The following KCNQ1 variants were observed in gnomAD, a reference collection of about 807,000 sequenced individuals.
KCNQ1 encodes potassium voltage-gated channel subfamily KQT member 1.
KCNQ1 carries 49 observed loss-of-function variants against 72.4 expected under a neutral mutation model. The ratio of observed to expected loss-of-function variants is 0.68; its 90% confidence interval spans 0.54 to 0.86. The LOEUF is 0.86. Among genes scored for constraint, KCNQ1 ranks in the 40% least tolerant of loss-of-function variants. KCNQ1 has a pLI of 0.00. For synonymous variants in KCNQ1, 450 were observed against 412.6 expected (o/e 1.09, Z -1.10); for missense variants, 790 against 945.1 (o/e 0.84, Z 2.15).
At chr11:2,571,105 AGC>A in intron 3 of KCNQ1, among the ~76,000 whole-genome samples, 1 of 152,170 alleles carries the variant, frequency 6.6e-6, no homozygotes, top group Admixed American at 6.5e-5. Context: ...CACAGGGCCC[AGC>A]CTAGGCCGGG....
In KCNQ1 at chr11:2,516,434, T is replaced by TG; in HGVS notation, c.387-11489dup. Reference sequence around the variant, plus strand: ...TTAAAGGGGATGTGGCGGCCAGCTCTGGGGGCACACGTTCCTGTTTGAATT... The same window carrying TG: ...TTAAAGGGGATGTGGCGGCCAGCTCTGGGGGGCACACGTTCCTGTTTGAATT... On this transcript the variant is annotated intron_variant, in intron 1 of 15. Transcript: ENST00000155840. This position sits in a 1 kb window ranked among gnomAD's most constrained non-coding sequence, Gnocchi z 7.0. 6.6e-6 allele frequency among the ~76,000 whole-genome samples: 1 copy of TG among 152,242 alleles called. No individual in the cohort carries two copies. Among genetic ancestry groups the TG allele is most frequent in the South Asian group, 2.1e-4 (1 of 4,830 alleles).
rs1330734368 is a variant in KCNQ1 at position 2,703,429 on chromosome 11, T to G, written c.1514+41348T>G. Among the ~76,000 whole-genome samples, 2 of 152,154 alleles carry G rather than the reference T, an allele frequency of 1.3e-5. No individual in the cohort carries two copies. The highest frequency in any genetic ancestry group is 2.9e-5 in the Non-Finnish European group (2 of 68,026). On this transcript the variant is annotated intron_variant, in intron 11 of 15. Coordinates refer to ENST00000155840, the MANE Select transcript of KCNQ1 (RefSeq NM_000218.3). This position sits in a 1 kb window ranked among gnomAD's most constrained non-coding sequence, Gnocchi z 6.4. ...GGGGCTGAGCTAGCGTTCCTTGCAC[T>G]CCCTCCAGCTTTACTCTTTGGGGTT... is the stretch of plus-strand genomic sequence containing the variant.
At position 2,848,424 on chromosome 11, in the gene KCNQ1, A is replaced by C; in HGVS notation, c.*421A>C. ...AGCAACCCCTGGACCCCAGCCTCAA[A>C]TCCAGGACCCTGCCAGGCACAGGCA... is the stretch of plus-strand genomic sequence containing the variant. On this transcript the variant is annotated 3_prime_UTR_variant, in exon 16 of 16. Transcript: ENST00000155840. 8 of 468,108 alleles carry C rather than the reference A, an allele frequency of 1.7e-5. No individual in the cohort carries two copies. Among genetic ancestry groups the C allele is most frequent in the East Asian group, 1.3e-4 (2 of 15,500 alleles). 29.0% of individuals were successfully genotyped at this position (468,108 alleles called of 1,614,324 possible).
Position 2,687,044 on chromosome 11 carries a change from T to C in KCNQ1, c.1514+24963T>C, listed in dbSNP as rs1850501678. 5.0e-6 allele frequency: 2 copies of C among 398,510 alleles called. No homozygotes were observed. The highest frequency in any genetic ancestry group is 4.1e-5 in the African/African-American group (2 of 48,636). The allele number at this position is 398,510 out of a possible 1,614,324, so 24.7% of individuals were successfully genotyped here. A position where few individuals can be genotyped will look rare whatever the true frequency, so the allele number is the denominator to read the frequency against. ...AGGGCTAAAACTCAGCAGTCCCAGC[T>C]CTGGGGGACAAGGACCCACAAAGTG... On this transcript the variant is annotated intron_variant, in intron 11 of 15. Transcript: ENST00000155840. This position sits in a 1 kb window ranked among gnomAD's most constrained non-coding sequence, Gnocchi z 5.0.
chr11:2,817,008 C>A lies in KCNQ1; in HGVS notation c.1795-30759C>A, dbSNP rs1384123685. ...AGAGGGTGTCAGGGCTTGAGGTCAA[C>A]AGGGAGGTCTCAGGGCAACAGAGCC... On this transcript the variant is annotated intron_variant, in intron 15 of 15. Transcript: ENST00000155840. This position sits in a 1 kb window ranked among gnomAD's most constrained non-coding sequence, Gnocchi z 6.1. Among the ~76,000 whole-genome samples the A allele has an allele frequency of 6.6e-6, 1 of 152,126 alleles. No individual in the cohort carries two copies. The highest frequency in any genetic ancestry group is 6.5e-5 in the Admixed American group (1 of 15,284).
intron 1 of KCNQ1, among the ~76,000 whole-genome samples, chr11:2,456,747 C>T (rs1406374474): frequency 6.9e-5 from 9 of 130,510 alleles, no homozygotes; most frequent in East Asian, 4.5e-4. Flanking sequence ...TGGTGAAACC[C>T]TGTCTCTACT....
At chr11:2,528,078 C>A in intron 2 of KCNQ1, 60 bp downstream of exon 2, 1 of 1,416,178 alleles carries the variant, frequency 7.1e-7, no homozygotes, top group Non-Finnish European at 9.9e-7. Context: ...TGGCATCTCC[C>A]TGGCGCTGGG....
chr11:2,605,192 C>A (rs1383003003), intron 10 of KCNQ1, among the ~76,000 whole-genome samples: 1 of 152,164 alleles, frequency 6.6e-6, no homozygotes, highest in Non-Finnish European at 1.5e-5. Context: ...AGTAACAAGT[C>A]CCCTATCAGA....
intron 11 of KCNQ1, chr11:2,665,502 C>A: frequency 2.5e-6 from 1 of 395,076 alleles, no homozygotes; most frequent in Non-Finnish European, 4.4e-6. Context: ...ATCCCTGTGC[C>A]TTGCGTGTGG....
chr11:2,722,199 G>A (rs1358622965), intron 11 of KCNQ1, among the ~76,000 whole-genome samples: 1 of 152,210 alleles, frequency 6.6e-6, no homozygotes, highest in Admixed American at 6.5e-5. Context: ...AAGCCAGCAT[G>A]CTCCTGCCTT....
At position 2,450,354 on chromosome 11, in the gene KCNQ1, C is replaced by T. The variant is rs957310337; in HGVS notation, c.386+4870C>T. Among the ~76,000 whole-genome samples, 39 of 152,180 alleles carry T rather than the reference C, an allele frequency of 2.6e-4. No homozygotes were observed. Among genetic ancestry groups the T allele is most frequent in the African/African-American group, 8.7e-4 (36 of 41,452 alleles). On this transcript the variant is annotated intron_variant, in intron 1 of 15. Coordinates refer to ENST00000155840, the MANE Select transcript of KCNQ1 (RefSeq NM_000218.3). The surrounding 1 kb of genome is among the most constrained non-coding windows in gnomAD (Gnocchi z 7.9). ...GGCCAGTGCTGGGAGAGCATGGTGT[C>T]GGCCCGGGGAGATGCCGCAGAGAAG...
chr11:2,835,397 T>TCACACACA (rs36227626), intron 15 of KCNQ1, among the ~76,000 whole-genome samples: 11 of 130,572 alleles, frequency 8.4e-5, no homozygotes, highest in African/African-American at 2.9e-4. Context: ...AAACCCTGAC[T>TCACACACA]CACACACACA....
intron 15 of KCNQ1, among the ~76,000 whole-genome samples, chr11:2,797,055 G>C (rs1298947711): frequency 6.6e-6 from 1 of 152,224 alleles, no homozygotes; most frequent in Non-Finnish European, 1.5e-5. Flanking sequence ...TCCCCACGGG[G>C]CCACAACGGG....
At position 2,642,725 on chromosome 11, in the gene KCNQ1, T is replaced by A; in HGVS notation, c.1394-19236T>A. On this transcript the variant is annotated intron_variant, in intron 10 of 15. Transcript: ENST00000155840. The surrounding 1 kb of genome is among the most constrained non-coding windows in gnomAD (Gnocchi z 4.3). ...TTTTATGTTTAGTATGGTTTGTTCT[T>A]GCTTTTCTGGTTCCTTCAGGTGTAT... is the stretch of plus-strand genomic sequence containing the variant. 2.5e-6 allele frequency: 1 copy of A among 397,906 alleles called. No individual in the cohort carries two copies. The highest frequency in any genetic ancestry group is 4.4e-6 in the Non-Finnish European group (1 of 225,690). 24.6% of individuals were successfully genotyped at this position (397,906 alleles called of 1,614,324 possible). A position where few individuals can be genotyped will look rare whatever the true frequency, so the allele number is the denominator to read the frequency against.
chr11:2,606,892 ATTTTTTTTTTTTTTTTT>A (rs869121696), intron 10 of KCNQ1, among the ~76,000 whole-genome samples: 1 of 82,766 alleles, frequency 1.2e-5, no homozygotes, highest in Non-Finnish European at 2.2e-5. Flanking sequence ...ATTATCTGTG[ATTTTTTTTTTTTTTTTT>A]TTTTTTTTTT....
chr11:2,486,894 G>A lies in KCNQ1; in HGVS notation c.387-41034G>A, dbSNP rs1846748494. Among the ~76,000 whole-genome samples, 1 of 152,200 alleles carries A rather than the reference G, an allele frequency of 6.6e-6. No homozygotes were observed. The highest frequency in any genetic ancestry group is 6.5e-5 in the Admixed American group (1 of 15,286). On this transcript the variant is annotated intron_variant, in intron 1 of 15. Coordinates refer to ENST00000155840, the MANE Select transcript of KCNQ1 (RefSeq NM_000218.3). The surrounding 1 kb of genome is among the most constrained non-coding windows in gnomAD (Gnocchi z 5.0). ...CTGGGGATCACATTTCAACATGAGA[G>A]TTGGAGGGGACAAATATCTGAACTC...
At position 2,711,067 on chromosome 11, in the gene KCNQ1, G is replaced by T. The variant is rs181643148; in HGVS notation, c.1514+48986G>T. ...TTGAATCTGTAGGTCAACTTGGGGA[G>T]TATTGCCATCTTAACAATGTGTTAA... On this transcript the variant is annotated intron_variant, in intron 11 of 15. Transcript: ENST00000155840. This position sits in a 1 kb window ranked among gnomAD's most constrained non-coding sequence, Gnocchi z 5.4. Among the ~76,000 whole-genome samples, 9 of 152,238 alleles carry T rather than the reference G, an allele frequency of 5.9e-5. No homozygotes were observed. Among genetic ancestry groups the T allele is most frequent in the Non-Finnish European group, 1.0e-4 (7 of 68,046 alleles).
rs1469649710 is a variant in KCNQ1 at position 2,549,833 on chromosome 11, G to A, written c.478-20795G>A. Reference sequence around the variant, plus strand: ...TTCCCCATGACTGGCCCTGGGTGGCGGAGAGACCCCTGGGCAGGACACCCC... The same window carrying A: ...TTCCCCATGACTGGCCCTGGGTGGCAGAGAGACCCCTGGGCAGGACACCCC... On this transcript the variant is annotated intron_variant, in intron 2 of 15. Transcript: ENST00000155840. This position sits in a 1 kb window ranked among gnomAD's most constrained non-coding sequence, Gnocchi z 6.2. Among the ~76,000 whole-genome samples the A allele has an allele frequency of 2.0e-5, 3 of 152,106 alleles. No individual in the cohort carries two copies. Among genetic ancestry groups the A allele is most frequent in the Non-Finnish European group, 4.4e-5 (3 of 67,996 alleles).
rs2133559703 is a variant in KCNQ1, at chr11:2,445,266, C to G, written c.168C>G (p.Pro56=). 2.4e-6 allele frequency: 3 copies of G among 1,225,452 alleles called. No homozygotes were observed. The highest frequency in any genetic ancestry group is 7.1e-5 in the South Asian group (2 of 28,108). 75.9% of individuals were successfully genotyped at this position (1,225,452 alleles called of 1,614,324 possible). ...GCGCGCTCTACGCGCCCATCGCGCC[C>G]GGCGCCCCAGGTCCCGCGCCCCCTG... ...AGGALYAPIA[P]GAPGPAPPAS... is the part of the protein sequence containing the mutation. The change falls in exon 1 of 16, where the codon CCC becomes CCG. Residue 56 remains proline, a synonymous_variant. Transcript: ENST00000155840.
Sources: allele counts gnomAD v4.1 joint callset (sites outside exome capture counted in the v4.1 genomes callset), GRCh38; gene constraint gnomAD v4.1.1; non-coding constraint Gnocchi (gnomAD v3.1); transcripts MANE v1.5; gene names NCBI Gene and HGNC (gene_info 2026-07-23, HGNC 2026-07-21).